The following CADM2 variants were observed in gnomAD, a reference collection of about 807,000 sequenced individuals.
CADM2 encodes the protein cell adhesion molecule 2, also known as immunoglobulin superfamily member 4D.
In CADM2, 12 loss-of-function variants were observed where a neutral mutation model predicts 49.8. The observed-to-expected ratio is 0.24, with a 90% CI of 0.15 to 0.39. The LOEUF (loss-of-function observed/expected upper bound fraction) is 0.39. Among genes scored for constraint, CADM2 ranks in the 10% least tolerant of loss-of-function variants. The probability of loss-of-function intolerance (pLI) is 1.00; values close to 1 mark genes in which losing one functional copy is unlikely to be tolerated. For synonymous variants in CADM2, 214 were observed against 175.4 expected, an observed-to-expected ratio of 1.22 and a Z score of -1.74; for missense variants, 378 against 492.3, an observed-to-expected ratio of 0.77 and a Z score of 2.20.
intron 1 of CADM2, among the ~76,000 whole-genome samples, chr3:85,089,913 C>T (rs1240124241): frequency 6.6e-6 from 1 of 152,124 alleles, no homozygotes; most frequent in Non-Finnish European, 1.5e-5. Flanking sequence ...TTTCCTACCA[C>T]ATTTCTATTG....
chr3:85,360,813 A>G (rs2032301049), intron 1 of CADM2, among the ~76,000 whole-genome samples: 1 of 152,012 alleles, frequency 6.6e-6, no homozygotes, highest in African/African-American at 2.4e-5. Flanking sequence ...TTAATTCTGA[A>G]CTTGTTTCCT....
chr3:85,896,956 G>T (rs1715296613), intron 5 of CADM2, among the ~76,000 whole-genome samples: 1 of 152,074 alleles, frequency 6.6e-6, no homozygotes, highest in Non-Finnish European at 1.5e-5. Flanking sequence ...ATTCCTGGTT[G>T]TCAGGCCTAA....
intron 1 of CADM2, among the ~76,000 whole-genome samples, chr3:85,497,397 T>G (rs888294718): frequency 1.3e-5 from 2 of 152,146 alleles, no homozygotes; most frequent in African/African-American, 4.8e-5. Flanking sequence ...GAAATTGGCC[T>G]CTTGCAGTAG....
chr3:85,305,688 C>A (rs1306410911), intron 1 of CADM2, among the ~76,000 whole-genome samples: 1 of 151,574 alleles, frequency 6.6e-6, no homozygotes, highest in African/African-American at 2.4e-5. Context: ...AGTTTCACCA[C>A]CATCATGCAA....
intron 1 of CADM2, among the ~76,000 whole-genome samples, chr3:85,654,435 C>T (rs1375028405): frequency 6.6e-6 from 1 of 152,132 alleles, no homozygotes; most frequent in East Asian, 1.9e-4. Context: ...GGGAAGGCAG[C>T]ATACATGGGC....
chr3:85,791,914 A>G (rs915676277), intron 2 of CADM2, among the ~76,000 whole-genome samples: 8 of 152,084 alleles, frequency 5.3e-5, no homozygotes, highest in African/African-American at 1.9e-4. Flanking sequence ...TAGTAGATAC[A>G]GGGTTTCACC....
intron 8 of CADM2, among the ~76,000 whole-genome samples, chr3:86,035,391 T>A (rs1408570837): frequency 6.6e-6 from 1 of 152,080 alleles, no homozygotes; most frequent in South Asian, 2.1e-4. Flanking sequence ...CTACTGCTTC[T>A]GTTCATCATC....
intron 1 of CADM2, among the ~76,000 whole-genome samples, chr3:85,344,732 A>G (rs2030392949): frequency 1.3e-5 from 2 of 152,158 alleles, no homozygotes; most frequent in African/African-American, 4.8e-5. Flanking sequence ...GTAACTTTAT[A>G]GAAAATTATT....
intron 1 of CADM2, among the ~76,000 whole-genome samples, chr3:85,216,840 G>T (rs977504074): frequency 6.6e-6 from 1 of 151,924 alleles, no homozygotes; most frequent in Non-Finnish European, 1.5e-5. Context: ...TATTTTCTTT[G>T]TAGAATAGGA....
chr3:85,876,041 G>A (rs1711786667), intron 3 of CADM2, among the ~76,000 whole-genome samples: 1 of 152,112 alleles, frequency 6.6e-6, no homozygotes, highest in Admixed American at 6.6e-5. Flanking sequence ...CTGACACCCC[G>A]TGGTTGTTGA....
At chr3:85,965,283 A>G (rs1725333823) in intron 8 of CADM2, among the ~76,000 whole-genome samples, 1 of 147,564 alleles carries the variant, frequency 6.8e-6, no homozygotes, top group South Asian at 2.1e-4. Flanking sequence ...ATAAATAATC[A>G]TAATAAATAT....
At chr3:85,157,796 T>TA (rs1461373317) in intron 1 of CADM2, among the ~76,000 whole-genome samples, 5 of 152,168 alleles carry the variant, frequency 3.3e-5, no homozygotes, top group Non-Finnish European at 7.4e-5. Context: ...ACTTCATGTC[T>TA]AAAACACCAA....
intron 1 of CADM2, among the ~76,000 whole-genome samples, chr3:85,195,765 T>C (rs904321173): frequency 1.3e-5 from 2 of 152,046 alleles, no homozygotes; most frequent in Non-Finnish European, 2.9e-5. Context: ...ATTCAGATTT[T>C]TTCCAAAAGG....
intron 1 of CADM2, among the ~76,000 whole-genome samples, chr3:85,459,965 A>G (rs1441616795): frequency 6.6e-6 from 1 of 152,212 alleles, no homozygotes; most frequent in Non-Finnish European, 1.5e-5. Flanking sequence ...AAAAAAGATT[A>G]ACATATTTTA....
At chr3:85,904,095 C>A (rs897888663) in intron 5 of CADM2, among the ~76,000 whole-genome samples, 13 of 152,158 alleles carry the variant, frequency 8.5e-5, no homozygotes, top group African/African-American at 3.1e-4. Context: ...CTTCCCCCAA[C>A]TCTGTTCCAA....
intron 1 of CADM2, among the ~76,000 whole-genome samples, chr3:85,317,773 C>T (rs201944044): frequency 0.096 from 14,582 of 152,090 alleles, 1,440 homozygotes; most frequent in African/African-American, 0.26. Flanking sequence ...AGATTCCCGA[C>T]TCAAGAATTC....
At chr3:85,346,447 T>A (rs2030656459) in intron 1 of CADM2, among the ~76,000 whole-genome samples, 1 of 152,166 alleles carries the variant, frequency 6.6e-6, no homozygotes, top group South Asian at 2.1e-4. Context: ...TTCAAAAAAA[T>A]CTTTAATAGC....
At chr3:84,997,697 T>C (rs188773900) in intron 1 of CADM2, among the ~76,000 whole-genome samples, 218 of 152,152 alleles carry the variant, frequency 1.4e-3, no homozygotes, top group African/African-American at 4.9e-3. Context: ...GTTTGTTTTA[T>C]ATATGAATAT....
At position 85,120,836 on chromosome 3, in the gene CADM2, T is replaced by TA. The variant is rs59658579; in HGVS notation, c.61+161176dup. On this transcript the variant is annotated intron_variant, in intron 1 of 9. Coordinates refer to ENST00000383699, the MANE Select transcript of CADM2 (RefSeq NM_001167675.2). ...AAGTATAATAAAAAGAAAATGAAAA[T>TA]AAAAAAAAGATACATTGCTCTGCAT... Among the ~76,000 whole-genome samples the TA allele has an allele frequency of 4.8e-3, 722 of 151,520 alleles. 6 individuals are homozygous for TA. The highest frequency in any genetic ancestry group is 0.017 in the African/African-American group (691 of 41,344).
Sources: gnomAD v4.1 joint callset for allele counts (sites outside exome capture counted in the v4.1 genomes callset) on GRCh38, gnomAD v4.1.1 for gene constraint, MANE v1.5 for transcripts, NCBI Gene and HGNC (gene_info 2026-07-23, HGNC 2026-07-21) for gene names.